CCT6B: variants seen among roughly 807,000 people sequenced by gnomAD.
The protein encoded by CCT6B is probable T-complex protein 1 subunit zeta-2.
Under a neutral mutation model 61.5 loss-of-function variants are expected in CCT6B, and 49 were observed. The ratio of observed to expected loss-of-function variants is 0.80; its 90% confidence interval spans 0.63 to 1.01. CCT6B has a LOEUF of 1.01. CCT6B is among the 50% of genes least tolerant of loss of function. The pLI, the probability that CCT6B is intolerant of heterozygous loss-of-function variation, is 0.00. For missense variants in CCT6B, 666 were observed against 634.7 expected (o/e 1.05, Z -0.53); for synonymous variants, 228 against 214.5 (o/e 1.06, Z -0.55).
intron 8 of CCT6B, among the ~76,000 whole-genome samples, chr17:34,940,313 T>C (rs923449738): frequency 6.6e-6 from 1 of 152,200 alleles, no homozygotes; most frequent in Non-Finnish European, 1.5e-5. Context: ...AAATCTGTTT[T>C]AAAAAGATAA....
chr17:34,949,853 A>G (rs1286993482), intron 5 of CCT6B: 1 of 152,240 alleles, frequency 6.6e-6, no homozygotes, highest in East Asian at 1.9e-4. Flanking sequence ...CAGTCAAAAC[A>G]TCAATAAGGA....
chr17:34,957,521 T>C (rs1057339859), intron 3 of CCT6B, among the ~76,000 whole-genome samples: 7 of 152,228 alleles, frequency 4.6e-5, no homozygotes, highest in Admixed American at 3.3e-4. Context: ...AGAACCTGTG[T>C]ACTTGATGAC....
chr17:34,932,243 A>T (rs2090043567), intron 11 of CCT6B, 124 bp downstream of exon 11: 1 of 839,878 alleles, frequency 1.2e-6, no homozygotes, highest in Non-Finnish European at 1.7e-6. Flanking sequence ...TCTAAGAGAA[A>T]ACTGTGTAAG....
chr17:34,950,221 T>G (rs542428193), intron 5 of CCT6B, among the ~76,000 whole-genome samples: 15 of 152,144 alleles, frequency 9.9e-5, no homozygotes, highest in Non-Finnish European at 1.9e-4. Flanking sequence ...AATAGTACTT[T>G]GAGAAAAATT....
chr17:34,941,951 T>A (rs1406030325), intron 7 of CCT6B, among the ~76,000 whole-genome samples: 3 of 151,632 alleles, frequency 2.0e-5, no homozygotes, highest in African/African-American at 7.3e-5. Flanking sequence ...GGTGGAAAGA[T>A]CACTTGGGCC....
intron 10 of CCT6B, among the ~76,000 whole-genome samples, chr17:34,936,139 C>G (rs1317977531): frequency 6.6e-5 from 10 of 151,950 alleles, no homozygotes; most frequent in Non-Finnish European, 1.2e-4. Context: ...TTAGTAGAGA[C>G]AGTTTCACCA....
chr17:34,938,881 G>A (rs866032799), intron 10 of CCT6B, among the ~76,000 whole-genome samples: 94 of 152,018 alleles, frequency 6.2e-4, no homozygotes, highest in African/African-American at 2.2e-3. Flanking sequence ...CCAGGAGTTC[G>A]AGACCAGCCT....
At chr17:34,939,434 A>G (rs2090134123) in intron 9 of CCT6B, 104 bp from the exon 10 acceptor site, 2 of 1,017,668 alleles carry the variant, frequency 2.0e-6, no homozygotes, top group Non-Finnish European at 1.4e-6. Flanking sequence ...CTTATCAAGC[A>G]TAACTAAGGG....
Position 34,928,009 on chromosome 17 carries a change from A to C in CCT6B, c.*39T>G. ...TAGTAGTCAGATGTAAAGTGTACTA[A>C]ATTTCATCTTCTAGAAGGGTTGATT... On this transcript the variant is annotated 3_prime_UTR_variant, in exon 14 of 14. Transcript: ENST00000314144. 6.8e-7 allele frequency: 1 copy of C among 1,478,416 alleles called. No homozygotes were observed. 91.6% of individuals were successfully genotyped at this position (1,478,416 alleles called of 1,614,324 possible).
intron 5 of CCT6B, among the ~76,000 whole-genome samples, chr17:34,950,122 A>G (rs1428436094): frequency 6.6e-6 from 1 of 152,224 alleles, no homozygotes; most frequent in African/African-American, 2.4e-5. Flanking sequence ...TCCCCATGTT[A>G]AGAAACACAC....
At chr17:34,958,053 T>C (rs946923391) in intron 3 of CCT6B, among the ~76,000 whole-genome samples, 1 of 152,218 alleles carries the variant, frequency 6.6e-6, no homozygotes, top group African/African-American at 2.4e-5. Context: ...TATTTCATTT[T>C]TAAAAGAGGT....
chr17:34,942,511 A>C lies in CCT6B; in HGVS notation c.858T>G (p.Asn286Lys). Residue 286 changes from asparagine (N) to lysine (K), a missense_variant, in exon 7 of 14, where the codon AAT (asparagine) becomes AAG (lysine). Transcript: ENST00000314144. Reference sequence around the variant, plus strand: ...TTTGATTAATGACGACAAATCCTTTATTTGACTGAGCACAGACTTTGTCCT... The same window carrying C: ...TTTGATTAATGACGACAAATCCTTTCTTTGACTGAGCACAGACTTTGTCCT... ...DLKDKVCAQS[N>K]KGFVVINQKG... 1 of 1,593,266 alleles carries C rather than the reference A, an allele frequency of 6.3e-7. No homozygotes were observed.
chr17:34,935,986 T>C (rs2142141827), intron 10 of CCT6B, among the ~76,000 whole-genome samples: 1 of 152,232 alleles, frequency 6.6e-6, no homozygotes, highest in South Asian at 2.1e-4. Flanking sequence ...GTTTTACTCT[T>C]GTCGCCCAGG....
At chr17:34,940,782 G>T (rs945568586) in intron 7 of CCT6B, among the ~76,000 whole-genome samples, 161 bp from the exon 8 acceptor site, 2 of 151,816 alleles carry the variant, frequency 1.3e-5, no homozygotes, top group African/African-American at 4.8e-5. Context: ...TAAAAACTGA[G>T]AAATTTTTAA....
At chr17:34,932,290 T>C in intron 11 of CCT6B, 77 bp downstream of exon 11, 3 of 1,290,048 alleles carry the variant, frequency 2.3e-6, no homozygotes, top group Non-Finnish European at 3.2e-6. Flanking sequence ...CCATTAACTA[T>C]CAGATAATAT....
chr17:34,957,972 A>G (rs968412085), intron 3 of CCT6B, among the ~76,000 whole-genome samples: 1 of 152,134 alleles, frequency 6.6e-6, no homozygotes, highest in Non-Finnish European at 1.5e-5. Context: ...TTTCAACTTT[A>G]TCTATGGTGT....
chr17:34,960,543 T>A (rs1463652672), intron 1 of CCT6B, among the ~76,000 whole-genome samples: 1 of 152,216 alleles, frequency 6.6e-6, no homozygotes, highest in Non-Finnish European at 1.5e-5. Context: ...TGCATCTATA[T>A]ATAATTAGCA....
At chr17:34,928,393 C>A (rs1239569956) in intron 13 of CCT6B, among the ~76,000 whole-genome samples, 2 of 152,186 alleles carry the variant, frequency 1.3e-5, no homozygotes, top group East Asian at 3.9e-4. Context: ...CCGCCTCAGC[C>A]TCCCGAGTAG....
intron 7 of CCT6B, 79 bp from the exon 8 acceptor site, chr17:34,940,700 T>C: frequency 1.6e-6 from 1 of 643,966 alleles, no homozygotes. Flanking sequence ...AGCACCACTT[T>C]ACTCTCTTAA....
Sources: allele counts gnomAD v4.1 joint callset (sites outside exome capture counted in the v4.1 genomes callset), GRCh38; gene constraint gnomAD v4.1.1; transcripts MANE v1.5; gene names NCBI Gene and HGNC (gene_info 2026-07-23, HGNC 2026-07-21).